The following SYN3 variants were observed in gnomAD, a reference collection of about 807,000 sequenced individuals.
SYN3 encodes the protein synapsin-3.
SYN3 carries 35 observed loss-of-function variants against 65.8 expected under a neutral mutation model. That is an observed-to-expected ratio of 0.53 (90% CI 0.41 to 0.70). The LOEUF (loss-of-function observed/expected upper bound fraction) is 0.70, where lower values mean the gene tolerates loss of function less well. Ranked by LOEUF, SYN3 falls within the 30% of genes least tolerant of loss-of-function variation. The pLI is 0.00. For missense variants in SYN3, 680 were observed against 749.0 expected (o/e 0.91, Z 1.08); for synonymous variants, 270 against 292.9 (o/e 0.92, Z 0.80).
At chr22:32,903,006 G>C (rs888060949) in intron 4 of SYN3, among the ~76,000 whole-genome samples, 1 of 152,152 alleles carries the variant, frequency 6.6e-6, no homozygotes, top group African/African-American at 2.4e-5. Context: ...CGGTGGTTTG[G>C]ATTCAGAATC....
chr22:32,547,663 G>C (rs1024434625), intron 7 of SYN3, among the ~76,000 whole-genome samples: 2 of 152,338 alleles, frequency 1.3e-5, no homozygotes, highest in African/African-American at 4.8e-5. Flanking sequence ...AGGGAGAGTG[G>C]AAACAGAGGC....
intron 6 of SYN3, among the ~76,000 whole-genome samples, chr22:32,707,100 A>C (rs2147226988): frequency 6.6e-6 from 1 of 152,254 alleles, no homozygotes; most frequent in Admixed American, 6.5e-5. Context: ...TCATGTGCAT[A>C]CATTGCTTCA....
intron 6 of SYN3, among the ~76,000 whole-genome samples, chr22:32,692,595 C>G (rs903810946): frequency 9.3e-4 from 141 of 152,296 alleles, no homozygotes; most frequent in African/African-American, 3.2e-3. Context: ...GCTTTTCTGT[C>G]TCCGCTGCTT....
At chr22:32,794,002 T>C (rs1717257229) in intron 6 of SYN3, among the ~76,000 whole-genome samples, 1 of 152,134 alleles carries the variant, frequency 6.6e-6, no homozygotes, top group South Asian at 2.1e-4. Context: ...AAGAGAAGGA[T>C]GGAGTGGCCA....
At chr22:32,608,153 C>T (rs1391174393) in intron 6 of SYN3, among the ~76,000 whole-genome samples, 4 of 151,412 alleles carry the variant, frequency 2.6e-5, no homozygotes, top group South Asian at 2.1e-4. Context: ...CTGCAACCTC[C>T]GCCTCCTGGG....
At chr22:32,528,414 G>A (rs1287549839) in intron 11 of SYN3, among the ~76,000 whole-genome samples, 1 of 152,180 alleles carries the variant, frequency 6.6e-6, no homozygotes, top group Admixed American at 6.5e-5. Flanking sequence ...GGTGGGAACT[G>A]TGGAGGGGAG....
intron 6 of SYN3, among the ~76,000 whole-genome samples, chr22:32,653,925 A>G (rs1022648362): frequency 6.6e-6 from 1 of 152,164 alleles, no homozygotes; most frequent in East Asian, 1.9e-4. Flanking sequence ...GGCTGACAGA[A>G]CGTAAGAGGT....
chr22:32,993,026 A>G (rs1451717865), intron 2 of SYN3, among the ~76,000 whole-genome samples: 1 of 152,086 alleles, frequency 6.6e-6, no homozygotes, highest in Non-Finnish European at 1.5e-5. Flanking sequence ...CCGCAGAGCA[A>G]GGAGTAGAAC....
chr22:32,997,649 G>C (rs1601871654), intron 2 of SYN3, among the ~76,000 whole-genome samples: 1 of 152,182 alleles, frequency 6.6e-6, no homozygotes, highest in Admixed American at 6.5e-5. Flanking sequence ...GCATTTGCCA[G>C]TTTCCACAGT....
intron 4 of SYN3, 36 bp downstream of exon 4, chr22:32,931,354 T>A (rs774191674): frequency 7.0e-7 from 1 of 1,433,474 alleles, no homozygotes; most frequent in South Asian, 1.1e-5. Context: ...ACGTATGCAA[T>A]TCTCAGAAGG....
chr22:32,632,639 A>G (rs113702197), intron 6 of SYN3, among the ~76,000 whole-genome samples: 10 of 152,308 alleles, frequency 6.6e-5, no homozygotes, highest in African/African-American at 1.9e-4. Flanking sequence ...GGTTTGGGGC[A>G]GGAAGCTAGG....
intron 4 of SYN3, among the ~76,000 whole-genome samples, chr22:32,920,155 G>A (rs2050299533): frequency 6.6e-6 from 1 of 152,212 alleles, no homozygotes; most frequent in Non-Finnish European, 1.5e-5. Flanking sequence ...ATCAGCCGCT[G>A]CGGTTTGAAC....
At chr22:32,845,917 A>G (rs1051698568) in intron 6 of SYN3, among the ~76,000 whole-genome samples, 3 of 152,248 alleles carry the variant, frequency 2.0e-5, no homozygotes, top group African/African-American at 7.2e-5. Context: ...AGTACAAAAT[A>G]GCACACATTT....
intron 4 of SYN3, among the ~76,000 whole-genome samples, chr22:32,872,476 C>T (rs2048874719): frequency 1.3e-5 from 2 of 152,118 alleles, no homozygotes; most frequent in South Asian, 4.1e-4. Flanking sequence ...AAATTCATAA[C>T]CCCAGGGAAT....
At chr22:32,610,433 C>T (rs2059426691) in intron 6 of SYN3, among the ~76,000 whole-genome samples, 1 of 152,200 alleles carries the variant, frequency 6.6e-6, no homozygotes, top group African/African-American at 2.4e-5. Context: ...TTCCCTGGAG[C>T]CCCTTCCAGC....
At chr22:32,544,064 G>A (rs1312024323) in intron 7 of SYN3, among the ~76,000 whole-genome samples, 2 of 152,152 alleles carry the variant, frequency 1.3e-5, no homozygotes, top group Admixed American at 6.5e-5. Context: ...TCAGCCGGCC[G>A]AGTAGCCGGG....
intron 13 of SYN3, among the ~76,000 whole-genome samples, chr22:32,516,236 G>A (rs926655665): frequency 6.6e-6 from 1 of 152,096 alleles, no homozygotes; most frequent in Non-Finnish European, 1.5e-5. Flanking sequence ...TTTGCATAAG[G>A]AAGCACTGAA....
intron 6 of SYN3, among the ~76,000 whole-genome samples, chr22:32,780,169 C>T (rs1375759284): frequency 2.0e-5 from 3 of 152,008 alleles, no homozygotes; most frequent in African/African-American, 7.2e-5. Flanking sequence ...TCTTTGTGTA[C>T]CTGTCTGGTT....
At chr22:32,949,308 G>T (rs1056758245) in intron 3 of SYN3, among the ~76,000 whole-genome samples, 2 of 151,938 alleles carry the variant, frequency 1.3e-5, no homozygotes, top group Non-Finnish European at 2.9e-5. Flanking sequence ...CCAGCGGGGG[G>T]CGGGGGTGCT....
Sources: gnomAD v4.1 joint callset for allele counts (sites outside exome capture counted in the v4.1 genomes callset) on GRCh38, gnomAD v4.1.1 for gene constraint, MANE v1.5 for transcripts, NCBI Gene and HGNC (gene_info 2026-07-23, HGNC 2026-07-21) for gene names.